Variants in EXOC4 observed in about 807,000 individuals in gnomAD.
The protein encoded by EXOC4 is exocyst complex component 4, also known as SEC8-like 1.
A neutral mutation model predicts 107.2 loss-of-function variants in EXOC4; 71 were observed. That is an observed-to-expected ratio of 0.66 (90% CI 0.55 to 0.81). The LOEUF (loss-of-function observed/expected upper bound fraction) is 0.81. Ranked by LOEUF, EXOC4 falls within the 30% of genes least tolerant of loss-of-function variation. The pLI, the probability that EXOC4 is intolerant of heterozygous loss-of-function variation, is 0.00. For missense variants in EXOC4, 1,108 were observed against 1,189.6 expected, an observed-to-expected ratio of 0.93 and a Z score of 1.01; for synonymous variants, 456 against 441.2, an observed-to-expected ratio of 1.03 and a Z score of -0.42.
At chr7:133,953,731 G>A (rs1800748330) in intron 14 of EXOC4, among the ~76,000 whole-genome samples, 1 of 152,114 alleles carries the variant, frequency 6.6e-6, no homozygotes, top group Non-Finnish European at 1.5e-5. Flanking sequence ...AATTTACAAT[G>A]GAAATTTAAG....
chr7:133,276,518 C>A lies in EXOC4; in HGVS notation c.276+1347C>A, dbSNP rs966832738. On this transcript the variant is annotated intron_variant, in intron 2 of 17. Transcript: ENST00000253861. Reference sequence around the variant, plus strand: ...AAAGCCGTTGTTGCTGATTTTCAGGCATTTTTAAAGCAGCAGAAACTTTTT... The same window carrying A: ...AAAGCCGTTGTTGCTGATTTTCAGGAATTTTTAAAGCAGCAGAAACTTTTT... Among the ~76,000 whole-genome samples the A allele has an allele frequency of 2.6e-5, 4 of 152,170 alleles. No individual in the cohort carries two copies. The East Asian group carries it at 7.7e-4, about 29-fold the overall frequency.
At chr7:133,885,239 G>A (rs577769212) in intron 11 of EXOC4, among the ~76,000 whole-genome samples, 39 of 151,752 alleles carry the variant, frequency 2.6e-4, no homozygotes, top group Admixed American at 7.9e-4. Context: ...ACTTGAACCC[G>A]GGAGACGGAG....
chr7:133,949,702 A>G (rs189337659), intron 14 of EXOC4, among the ~76,000 whole-genome samples: 1 of 148,694 alleles, frequency 6.7e-6, no homozygotes, highest in Non-Finnish European at 1.5e-5. Context: ...CCTCTAATAG[A>G]GTATTTTATC....
At chr7:133,657,624 T>C (rs1279927203) in intron 10 of EXOC4, among the ~76,000 whole-genome samples, 1 of 152,086 alleles carries the variant, frequency 6.6e-6, no homozygotes, top group Non-Finnish European at 1.5e-5. Context: ...GGGCTCAGCA[T>C]TGGGAGATAA....
intron 1 of EXOC4, among the ~76,000 whole-genome samples, chr7:133,254,888 C>T (rs984829691): frequency 6.6e-6 from 1 of 152,170 alleles, no homozygotes; most frequent in Non-Finnish European, 1.5e-5. Flanking sequence ...TTGTATTTTC[C>T]TCAGGGCCAG....
At chr7:133,563,069 C>T (rs1477677926) in intron 9 of EXOC4, among the ~76,000 whole-genome samples, 1 of 151,994 alleles carries the variant, frequency 6.6e-6, no homozygotes, top group Non-Finnish European at 1.5e-5. Flanking sequence ...CTATTGTGGT[C>T]AGCATTTGGG....
chr7:133,852,480 C>T (rs546649059), intron 11 of EXOC4, among the ~76,000 whole-genome samples: 33 of 152,282 alleles, frequency 2.2e-4, no homozygotes, highest in African/African-American at 7.7e-4. Flanking sequence ...TATTTGACTA[C>T]ATGAATTTTC....
At chr7:133,581,892 G>A (rs950411767) in intron 9 of EXOC4, among the ~76,000 whole-genome samples, 1 of 152,066 alleles carries the variant, frequency 6.6e-6, no homozygotes, top group African/African-American at 2.4e-5. Flanking sequence ...GGCAAAGGGC[G>A]AAGAAGGCAC....
chr7:133,698,608 A>T (rs1005418405), intron 10 of EXOC4, among the ~76,000 whole-genome samples: 2 of 152,114 alleles, frequency 1.3e-5, no homozygotes, highest in Admixed American at 6.5e-5. Flanking sequence ...TGCGATGCAT[A>T]TAGATATACA....
chr7:133,312,948 C>T (rs1012795255), intron 4 of EXOC4, among the ~76,000 whole-genome samples: 3 of 151,926 alleles, frequency 2.0e-5, no homozygotes, highest in East Asian at 1.9e-4. Flanking sequence ...GGATAATACT[C>T]GGTTTAACCT....
intron 10 of EXOC4, among the ~76,000 whole-genome samples, chr7:133,650,937 G>GTTGTT (rs1195562706): frequency 1.1e-5 from 1 of 88,694 alleles, no homozygotes; most frequent in African/African-American, 4.5e-5. Context: ...AGATTGGTCA[G>GTTGTT]TTTTTTTTTT....
At chr7:133,779,416 C>T (rs781111479) in intron 10 of EXOC4, among the ~76,000 whole-genome samples, 4 of 152,150 alleles carry the variant, frequency 2.6e-5, no homozygotes, top group African/African-American at 4.8e-5. Flanking sequence ...AAAGAAGGAA[C>T]ACTTCAAATA....
chr7:133,320,459 C>T (rs1361303749), intron 5 of EXOC4, among the ~76,000 whole-genome samples: 1 of 152,176 alleles, frequency 6.6e-6, no homozygotes, highest in Non-Finnish European at 1.5e-5. Context: ...TCTCTCTGAC[C>T]CACTCTTCTG....
intron 7 of EXOC4, among the ~76,000 whole-genome samples, chr7:133,452,726 C>A (rs759496815): frequency 6.6e-6 from 1 of 151,750 alleles, no homozygotes; most frequent in Non-Finnish European, 1.5e-5. Context: ...CCCTGTGGAA[C>A]ATGTGCTTAG....
At chr7:134,021,902 A>AT (rs11387824) in intron 17 of EXOC4, among the ~76,000 whole-genome samples, 152,005 of 152,008 alleles carry the variant, frequency 1, 76,001 homozygotes, top group Middle Eastern at 1. Context: ...CTGATTAAAC[A>AT]TTTGGGGTAT....
At chr7:133,476,632 C>A (rs539173305) in intron 8 of EXOC4, among the ~76,000 whole-genome samples, 2 of 152,040 alleles carry the variant, frequency 1.3e-5, no homozygotes, top group African/African-American at 4.8e-5. Flanking sequence ...TTAGTATATC[C>A]CTGCCAGAAA....
chr7:133,645,748 A>G (rs942851241), intron 10 of EXOC4, among the ~76,000 whole-genome samples: 2 of 152,166 alleles, frequency 1.3e-5, no homozygotes, highest in South Asian at 4.1e-4. Flanking sequence ...GCCCCCTAAA[A>G]TAGATTTTCA....
intron 9 of EXOC4, among the ~76,000 whole-genome samples, chr7:133,605,574 A>G (rs957469325): frequency 9.2e-5 from 14 of 152,326 alleles, no homozygotes; most frequent in African/African-American, 3.4e-4. Context: ...AGCATGAGTC[A>G]GTACTTTGTT....
chr7:133,883,182 CT>C (rs1177293436), intron 11 of EXOC4, among the ~76,000 whole-genome samples: 1 of 152,144 alleles, frequency 6.6e-6, no homozygotes, highest in African/African-American at 2.4e-5. Context: ...TTGACTCAGC[CT>C]AAGAGCTGCA....
Sources: gnomAD v4.1 joint callset for allele counts (sites outside exome capture counted in the v4.1 genomes callset) on GRCh38, gnomAD v4.1.1 for gene constraint, MANE v1.5 for transcripts, NCBI Gene and HGNC (gene_info 2026-07-23, HGNC 2026-07-21) for gene names.